NLRP1: variants seen among roughly 807,000 people sequenced by gnomAD.
NLRP1 encodes the protein NLR family pyrin domain containing 1, also known as NACHT, LRR and PYD domains-containing protein 1.
In NLRP1, 94 loss-of-function variants were observed where a neutral mutation model predicts 136.7. That is an observed-to-expected ratio of 0.69 (90% CI 0.58 to 0.82). The LOEUF (loss-of-function observed/expected upper bound fraction) is 0.82. Among genes scored for constraint, NLRP1 ranks in the 40% least tolerant of loss-of-function variants. The pLI is 0.00. For synonymous variants in NLRP1, 690 were observed against 725.1 expected (o/e 0.95, Z 0.78); for missense variants, 1,575 against 1,802.7 (o/e 0.87, Z 2.29).
chr17:5,578,683 C>T (rs558235320), intron 3 of NLRP1, among the ~76,000 whole-genome samples: 13 of 152,286 alleles, frequency 8.5e-5, no homozygotes, highest in East Asian at 5.8e-4. Context: ...CTGGTTCAAC[C>T]ATTGTGGAAG....
chr17:5,574,027 C>T (rs1040546858), intron 3 of NLRP1, among the ~76,000 whole-genome samples: 1 of 152,128 alleles, frequency 6.6e-6, no homozygotes, highest in Non-Finnish European at 1.5e-5. Context: ...GGAGGAAGTT[C>T]GAATCCATCA....
At chr17:5,558,010 G>T (rs572178272) in intron 4 of NLRP1, among the ~76,000 whole-genome samples, 14 of 152,110 alleles carry the variant, frequency 9.2e-5, no homozygotes, top group African/African-American at 3.1e-4. Context: ...GGGAGTGTGG[G>T]GGTAGCTAAG....
Position 5,539,398 on chromosome 17 carries a change from G to T in NLRP1, c.2870+17C>A. The stretch of plus-strand genomic sequence containing the variant: ...AACCCTCTTCCCTCTGCCCAGAAGG[G>T]ACCCACAGGGCCTTACCCCAGGCGT... On this transcript the variant is annotated intron_variant, in intron 7 of 16. Coordinates refer to ENST00000572272, the MANE Select transcript of NLRP1 (RefSeq NM_033004.4). The T allele has an allele frequency of 6.2e-7, 1 of 1,604,024 alleles. No individual in the cohort carries two copies. Among genetic ancestry groups the T allele is most frequent in the South Asian group, 1.1e-5 (1 of 89,676 alleles).
chr17:5,536,147 GTTCT>G (rs1911031117), intron 8 of NLRP1, among the ~76,000 whole-genome samples: 2 of 150,592 alleles, frequency 1.3e-5, no homozygotes, highest in African/African-American at 4.9e-5. Flanking sequence ...ACTTTTTCTT[GTTCT>G]TTTTTTTTTC....
chr17:5,519,506 G>A (rs1417534414), intron 14 of NLRP1, among the ~76,000 whole-genome samples: 2 of 150,986 alleles, frequency 1.3e-5, no homozygotes, highest in African/African-American at 2.4e-5. Context: ...AGTGCAGGGG[G>A]GGTGATCTTG....
chr17:5,583,572 C>G lies in NLRP1; in HGVS notation c.271+115G>C, dbSNP rs927129627. 9.0e-7 allele frequency: 1 copy of G among 1,106,848 alleles called. No homozygotes were observed. The highest frequency in any genetic ancestry group is 1.6e-5 in the African/African-American group (1 of 63,428). 68.6% of individuals were successfully genotyped at this position (1,106,848 alleles called of 1,614,324 possible). A position where few individuals can be genotyped will look rare whatever the true frequency, so the allele number is the denominator to read the frequency against. On this transcript the variant is annotated intron_variant, in intron 1 of 16. Coordinates refer to ENST00000572272, the MANE Select transcript of NLRP1 (RefSeq NM_033004.4). This position sits in a 1 kb window ranked among gnomAD's most constrained non-coding sequence, Gnocchi z 4.5. ...CCCCTTTGAGAGGGCAGTTCCATGT[C>G]ACTGCTCAGAGGAAGGCCTGGCAGG...
At chr17:5,564,738 T>TTC (rs1331276580) in intron 3 of NLRP1, among the ~76,000 whole-genome samples, 1 of 144,136 alleles carries the variant, frequency 6.9e-6, no homozygotes, top group Non-Finnish European at 1.5e-5. Flanking sequence ...TTTAGTGTTT[T>TTC]TTTTTTTTTT....
At chr17:5,527,707 AT>A (rs1452020384) in intron 12 of NLRP1, among the ~76,000 whole-genome samples, 2 of 152,226 alleles carry the variant, frequency 1.3e-5, no homozygotes, top group African/African-American at 4.8e-5. Context: ...CACAGTTCTT[AT>A]TGGCCAAGTT....
chr17:5,579,209 A>T (rs557473490), intron 3 of NLRP1, among the ~76,000 whole-genome samples: 15 of 152,006 alleles, frequency 9.9e-5, no homozygotes, highest in Admixed American at 4.6e-4. Flanking sequence ...ATGCATACAC[A>T]TGTAACAAAC....
intron 12 of NLRP1, among the ~76,000 whole-genome samples, chr17:5,522,337 G>A (rs1909008612): frequency 6.6e-6 from 1 of 152,210 alleles, no homozygotes; most frequent in South Asian, 2.1e-4. Flanking sequence ...CATGGGGGTG[G>A]AATTCTCATG....
At chr17:5,532,299 T>C (rs79018738) in intron 11 of NLRP1, among the ~76,000 whole-genome samples, 482 of 152,240 alleles carry the variant, frequency 3.2e-3, no homozygotes, top group Middle Eastern at 0.017. Context: ...TATAAGAACA[T>C]GTTTTAGACA....
downstream of NLRP1, chr17:5,512,623 C>A (rs758685149): frequency 2.2e-6 from 1 of 456,812 alleles, no homozygotes; most frequent in Non-Finnish European, 4.1e-6. Flanking sequence ...CAAGGCCAGT[C>A]TCATGGGTGT....
At position 5,517,857 on chromosome 17, in the gene NLRP1, C is replaced by T. The variant is rs765031318; in HGVS notation, c.3946G>A (p.Glu1316Lys). ...ELELCYRSPG[E>K]DQLFSEFYVG... ...TAGAACTCCGAGAACAGCTGGTCTT[C>T]TCCAGGGCTTCGATAGCAGAGCTCC... Residue 1316 changes from glutamate (E) to lysine (K), a missense_variant, in exon 15 of 17, where the codon GAA (glutamate) becomes AAA (lysine). Glu to Lys is a moderately conservative substitution (Grantham distance 56). Coordinates refer to ENST00000572272, the MANE Select transcript of NLRP1 (RefSeq NM_033004.4). 1 of 1,614,188 alleles carries T rather than the reference C, an allele frequency of 6.2e-7. No individual in the cohort carries two copies. Among genetic ancestry groups the T allele is most frequent in the Admixed American group, 1.7e-5 (1 of 60,028 alleles).
At chr17:5,512,377 C>A, downstream of NLRP1, 5 of 1,156,474 alleles carry the variant, frequency 4.3e-6, no homozygotes, top group South Asian at 6.1e-5. Flanking sequence ...TGTGGACCCA[C>A]ACTTGTAACA....
Position 5,504,748 on chromosome 17 carries a change from G to C in NLRP1, c.4070-2876C>G, listed in dbSNP as rs1320652556. On this transcript the variant is annotated intron_variant, in intron 15 of 15. Transcript: ENST00000262467. The surrounding 1 kb of genome is among the most constrained non-coding windows in gnomAD (Gnocchi z 4.4). ...CAATCCCCTCAGCTACCCACCCCAGGCTTGCTCACCATCAAAGACTGTGCC... is the reference window on the plus strand; with the variant it reads ...CAATCCCCTCAGCTACCCACCCCAGCCTTGCTCACCATCAAAGACTGTGCC... The C allele has an allele frequency of 6.6e-6, 1 of 152,484 alleles. No homozygotes were observed. The highest frequency in any genetic ancestry group is 1.5e-5 in the Non-Finnish European group (1 of 68,236). The allele number at this position is 152,484 out of a possible 1,614,324, so 9.4% of individuals were successfully genotyped here. A position where few individuals can be genotyped will look rare whatever the true frequency, so the allele number is the denominator to read the frequency against.
rs1905953159 is a variant in NLRP1 at position 5,583,609 on chromosome 17, G to T, written c.271+78C>A. On this transcript the variant is annotated intron_variant, in intron 1 of 16. Coordinates refer to ENST00000572272, the MANE Select transcript of NLRP1 (RefSeq NM_033004.4). This position sits in a 1 kb window ranked among gnomAD's most constrained non-coding sequence, Gnocchi z 4.5. ...GAAGGCCTGGCAGGGAGGGCTCAGT[G>T]GTGGGGTCCCAAGAGGGCAGGGCAG... is the stretch of plus-strand genomic sequence containing the variant. 1.4e-6 allele frequency: 2 copies of T among 1,414,898 alleles called. No homozygotes were observed. The highest frequency in any genetic ancestry group is 5.0e-5 in the East Asian group (2 of 39,852). The allele number at this position is 1,414,898 out of a possible 1,614,324, so 87.6% of individuals were successfully genotyped here.
intron 11 of NLRP1, among the ~76,000 whole-genome samples, chr17:5,531,470 C>T (rs562356958): frequency 2.6e-5 from 4 of 152,288 alleles, no homozygotes; most frequent in South Asian, 2.1e-4. Flanking sequence ...CCTCCTGCCT[C>T]GGTCTCTTAA....
chr17:5,527,510 C>T (rs1483104237), intron 12 of NLRP1, among the ~76,000 whole-genome samples: 1 of 152,128 alleles, frequency 6.6e-6, no homozygotes, highest in Non-Finnish European at 1.5e-5. Flanking sequence ...CTGGGATAAA[C>T]AGGACTTGGG....
chr17:5,510,779 C>T (rs1015753029), downstream of NLRP1, among the ~76,000 whole-genome samples: 5 of 152,254 alleles, frequency 3.3e-5, no homozygotes, highest in Middle Eastern at 3.4e-3. Flanking sequence ...TTCAGGCCTT[C>T]GCCTCTCAAA....
Sources: gnomAD v4.1 joint callset for allele counts (sites outside exome capture counted in the v4.1 genomes callset) on GRCh38, gnomAD v4.1.1 for gene constraint, Gnocchi (gnomAD v3.1) non-coding constraint, MANE v1.5 for transcripts, NCBI Gene and HGNC (gene_info 2026-07-23, HGNC 2026-07-21) for gene names.